GLIS3: variants seen among roughly 807,000 people sequenced by gnomAD.
GLIS3 encodes GLIS family zinc finger 3.
In GLIS3, 53 loss-of-function variants were observed where a neutral mutation model predicts 78.6. The ratio of observed to expected loss-of-function variants is 0.67; its 90% CI spans 0.54 to 0.85. The LOEUF (loss-of-function observed/expected upper bound fraction) is 0.85, where lower values mean the gene tolerates loss of function less well. GLIS3 is among the 40% of genes least tolerant of loss of function. The pLI is 0.00. For missense variants in GLIS3, 1,703 were observed against 1,231.1 expected (o/e 1.38, Z -5.74); for synonymous variants, 684 against 509.9 (o/e 1.34, Z -4.60).
chr9:4,188,148 C>G (rs1348419876), intron 2 of GLIS3, among the ~76,000 whole-genome samples: 1 of 150,774 alleles, frequency 6.6e-6, no homozygotes, highest in East Asian at 1.9e-4. Context: ...ATAGATAGCT[C>G]TTATTATTTT....
chr9:4,452,994 T>C, the GLIS3 span, among the ~76,000 whole-genome samples: 6 of 152,050 alleles, frequency 3.9e-5, no homozygotes, highest in African/African-American at 1.4e-4. Flanking sequence ...AACAGAGGCC[T>C]CAGAAATAAC....
chr9:4,261,444 A>C (rs1825519760), intron 2 of GLIS3, among the ~76,000 whole-genome samples: 2 of 152,210 alleles, frequency 1.3e-5, no homozygotes, highest in Non-Finnish European at 2.9e-5. Flanking sequence ...TATGAATGGA[A>C]ACATGGAGAT....
At chr9:4,047,448 T>C (rs1825346148) in intron 4 of GLIS3, among the ~76,000 whole-genome samples, 1 of 152,180 alleles carries the variant, frequency 6.6e-6, no homozygotes, top group Admixed American at 6.5e-5. Context: ...TTTAGACCCA[T>C]ATTCTAATTC....
At chr9:4,032,457 A>G (rs1175774049) in intron 4 of GLIS3, among the ~76,000 whole-genome samples, 1 of 151,884 alleles carries the variant, frequency 6.6e-6, no homozygotes, top group African/African-American at 2.4e-5. Context: ...AAAATTTTAT[A>G]TTTTTATATA....
At chr9:3,890,527 T>A (rs1360575331) in intron 7 of GLIS3, among the ~76,000 whole-genome samples, 1 of 152,142 alleles carries the variant, frequency 6.6e-6, no homozygotes, top group Non-Finnish European at 1.5e-5. Flanking sequence ...GAAAAGAACA[T>A]GAGCATCTGC....
the GLIS3 span, among the ~76,000 whole-genome samples, chr9:4,359,905 C>T: frequency 6.6e-6 from 1 of 151,484 alleles, no homozygotes; most frequent in African/African-American, 2.4e-5. Flanking sequence ...AAGTATATAA[C>T]ATATAAATGT....
At chr9:4,117,160 G>C (rs1831715012) in intron 4 of GLIS3, among the ~76,000 whole-genome samples, 1 of 152,134 alleles carries the variant, frequency 6.6e-6, no homozygotes, top group Admixed American at 6.5e-5. Flanking sequence ...CTTAAAATTA[G>C]TTAGGATCCT....
At chr9:4,085,134 T>C (rs1274180097) in intron 4 of GLIS3, among the ~76,000 whole-genome samples, 1 of 152,146 alleles carries the variant, frequency 6.6e-6, no homozygotes, top group Non-Finnish European at 1.5e-5. Flanking sequence ...AATCTTGACT[T>C]GACTTCAGGT....
At chr9:4,212,419 T>C (rs1218455105) in intron 2 of GLIS3, among the ~76,000 whole-genome samples, 4 of 152,184 alleles carry the variant, frequency 2.6e-5, no homozygotes, top group Non-Finnish European at 4.4e-5. Flanking sequence ...CCAGGCACTG[T>C]GCTGGATACT....
chr9:4,191,919 T>G (rs183157855), intron 2 of GLIS3, among the ~76,000 whole-genome samples: 1 of 151,980 alleles, frequency 6.6e-6, no homozygotes, highest in Non-Finnish European at 1.5e-5. Context: ...AGAAACAAAT[T>G]AGATAAACCA....
intron 1 of GLIS3, among the ~76,000 whole-genome samples, chr9:4,292,317 T>C (rs1008558485): frequency 6.6e-6 from 1 of 152,228 alleles, no homozygotes; most frequent in Non-Finnish European, 1.5e-5. Flanking sequence ...CTATTGGTTT[T>C]ACTTCACTTA....
At chr9:4,455,384 C>T in the GLIS3 span, among the ~76,000 whole-genome samples, 2 of 152,112 alleles carry the variant, frequency 1.3e-5, no homozygotes, top group East Asian at 3.8e-4. Flanking sequence ...GTTTATGTGG[C>T]TGCAACCTCC....
intron 2 of GLIS3, among the ~76,000 whole-genome samples, chr9:4,229,057 C>A (rs1038222815): frequency 1.3e-5 from 2 of 152,050 alleles, no homozygotes; most frequent in Non-Finnish European, 1.5e-5. Flanking sequence ...GAATGAGCTC[C>A]AAAATTAGTT....
At chr9:4,477,874 T>A in the GLIS3 span, among the ~76,000 whole-genome samples, 1 of 152,230 alleles carries the variant, frequency 6.6e-6, no homozygotes, top group Non-Finnish European at 1.5e-5. Flanking sequence ...ATTCATTATG[T>A]ATATTATACC....
At chr9:4,227,920 C>T (rs1821914464) in intron 2 of GLIS3, among the ~76,000 whole-genome samples, 1 of 152,176 alleles carries the variant, frequency 6.6e-6, no homozygotes, top group South Asian at 2.1e-4. Flanking sequence ...ATGGTGGCAT[C>T]GGAATGTACT....
chr9:4,321,384 T>C (rs112373822), intron 2 of GLIS3, among the ~76,000 whole-genome samples: 2,383 of 90,370 alleles, frequency 0.026, 410 homozygotes, highest in African/African-American at 0.14. Flanking sequence ...ATGGCGCCAC[T>C]GCACTCCAGC....
At chr9:4,349,229 T>C (rs763550170), upstream of GLIS3, among the ~76,000 whole-genome samples, 2 of 152,242 alleles carry the variant, frequency 1.3e-5, no homozygotes, top group Non-Finnish European at 2.9e-5. Context: ...TGATAGGTGT[T>C]GTCAGTGGCA....
At chr9:3,995,669 C>A (rs866553010) in intron 4 of GLIS3, among the ~76,000 whole-genome samples, 57 of 152,006 alleles carry the variant, frequency 3.7e-4, no homozygotes, top group African/African-American at 1.4e-3. Context: ...TTAAAAAAAG[C>A]TTCACTTATG....
Position 4,125,960 on chromosome 9 carries a change from G to T in GLIS3, c.389-19C>A. ...AGAGCCCCTAAAAACAAATGAATCA[G>T]GTTAGCTTTCATGTCCCTTACATCA... On this transcript the variant is annotated intron_variant, in intron 2 of 10. Coordinates refer to ENST00000381971, the MANE Select transcript of GLIS3 (RefSeq NM_001042413.2). The T allele has an allele frequency of 6.3e-7, 1 of 1,596,658 alleles. No homozygotes were observed. Among genetic ancestry groups the T allele is most frequent in the Middle Eastern group, 1.7e-4 (1 of 6,028 alleles).
Sources: allele counts gnomAD v4.1 joint callset (sites outside exome capture counted in the v4.1 genomes callset), GRCh38; gene constraint gnomAD v4.1.1; transcripts MANE v1.5; gene names NCBI Gene and HGNC (gene_info 2026-07-23, HGNC 2026-07-21).